The following DNAH10 variants were observed in gnomAD, a reference collection of about 807,000 sequenced individuals.
The protein encoded by DNAH10 is axonemal beta dynein heavy chain 10.
Under a neutral mutation model 506.6 loss-of-function variants are expected in DNAH10, and 348 were observed. The ratio of observed to expected loss-of-function variants is 0.69; its 90% CI spans 0.63 to 0.75. DNAH10 has a LOEUF of 0.75. DNAH10 is among the 30% of genes least tolerant of loss of function. The pLI is 0.00. For synonymous variants in DNAH10, 2,059 were observed against 2,198.6 expected, an observed-to-expected ratio of 0.94 and a Z score of 1.78; for missense variants, 5,179 against 5,787.1, an observed-to-expected ratio of 0.89 and a Z score of 3.41.
intron 52 of DNAH10, 117 bp downstream of exon 52, chr12:123,887,430 T>C (rs1430460682): frequency 2.5e-6 from 3 of 1,220,046 alleles, no homozygotes; most frequent in African/African-American, 3.1e-5. Flanking sequence ...CGGGTGTACC[T>C]GTTCCTCCCT....
chr12:123,872,541 A>T (rs1952076654), intron 45 of DNAH10, among the ~76,000 whole-genome samples: 1 of 152,134 alleles, frequency 6.6e-6, no homozygotes, highest in Non-Finnish European at 1.5e-5. Flanking sequence ...GCTCATGTGC[A>T]CCTGCACTTT....
intron 13 of DNAH10, 102 bp from the exon 14 acceptor site, chr12:123,799,144 T>G (rs780011459): frequency 7.8e-5 from 52 of 667,688 alleles, no homozygotes; most frequent in Non-Finnish European, 9.7e-5. Context: ...TTTATAATAA[T>G]TTATATATTA....
In DNAH10 at chr12:123,931,637, G is replaced by A. The variant is rs573539952; in HGVS notation, c.12918G>A (p.Gly4306=). ...CTCTGAAAAGTGTCCTGGTTTTAGG[G>A]GAATCCAGCAGTGGTATCAGCCGCG... ...AHLLELQPQT[G]ESSSGISRDD... The change falls in exon 75 of 79, where the codon GGG becomes GGA. Residue 4306 remains glycine (G), a splice_region_variant and synonymous_variant. Transcript: ENST00000673944. 32 of 1,613,644 alleles carry A rather than the reference G, an allele frequency of 2.0e-5. No homozygotes were observed. The highest frequency in any genetic ancestry group is 5.0e-5 in the Admixed American group (3 of 59,970).
At chr12:123,898,267 G>A (rs945808376) in intron 55 of DNAH10, among the ~76,000 whole-genome samples, 6 of 152,188 alleles carry the variant, frequency 3.9e-5, no homozygotes, top group Non-Finnish European at 5.9e-5. Flanking sequence ...CTGGAGTGCA[G>A]TGGTGCAACC....
In DNAH10 at chr12:123,787,775, T is replaced by C; in HGVS notation, c.1422-29T>C. The C allele has an allele frequency of 6.2e-7, 1 of 1,604,928 alleles. No individual in the cohort carries two copies. Among genetic ancestry groups the C allele is most frequent in the Non-Finnish European group, 8.5e-7 (1 of 1,176,358 alleles). On this transcript the variant is annotated intron_variant, in intron 9 of 78. Coordinates refer to ENST00000673944, the MANE Select transcript of DNAH10 (RefSeq NM_001372106.1). This position sits in a 1 kb window ranked among gnomAD's most constrained non-coding sequence, Gnocchi z 4.6. ...GCTCGGACCCGGAGCTCCGCCCTCCTCCCATCACGGCATCTCTTGGCTTCG... is the reference window on the plus strand; with the variant it reads ...GCTCGGACCCGGAGCTCCGCCCTCCCCCCATCACGGCATCTCTTGGCTTCG...
At chr12:123,803,393 C>A (rs1156438093) in intron 16 of DNAH10, among the ~76,000 whole-genome samples, 1 of 152,132 alleles carries the variant, frequency 6.6e-6, no homozygotes, top group African/African-American at 2.4e-5. Flanking sequence ...GCTTGATAGT[C>A]CCTTTCTCCC....
intron 27 of DNAH10, among the ~76,000 whole-genome samples, chr12:123,835,128 C>T (rs1281971147): frequency 6.6e-6 from 1 of 152,212 alleles, no homozygotes; most frequent in Non-Finnish European, 1.5e-5. Flanking sequence ...CAGGCTTCAC[C>T]CTCTTCTCAT....
intron 48 of DNAH10, among the ~76,000 whole-genome samples, chr12:123,878,614 C>A (rs140236828): frequency 6.6e-6 from 1 of 152,066 alleles, no homozygotes; most frequent in African/African-American, 2.4e-5. Flanking sequence ...AAGGAGCTGT[C>A]GGCCAGGCAC....
chr12:123,762,536 T>C lies in DNAH10; in HGVS notation c.200T>C (p.Val67Ala), dbSNP rs761450398. Residue 67 changes from valine to alanine, a missense_variant, in exon 1 of 79, where the codon GTG (valine) becomes GCG (alanine). Val to Ala is a moderately conservative substitution (Grantham distance 64). Around this residue, in one of 3 missense-constraint regions of DNAH10, gnomAD observed 326 missense variants for 330.8 expected, o/e 0.99. Transcript: ENST00000673944. This position sits in a 1 kb window ranked among gnomAD's most constrained non-coding sequence, Gnocchi z 5.0. ...TACCGCACTATGGTGCCGGAGGAGGTGGAGGTGGAGATTGGTGAGCCTCGA... is the reference window on the plus strand; with the variant it reads ...TACCGCACTATGGTGCCGGAGGAGGCGGAGGTGGAGATTGGTGAGCCTCGA... ...FIYRTMVPEE[V>A]EVEIDEIPVL... is the part of the protein sequence containing the mutation. The C allele has an allele frequency of 6.4e-7, 1 of 1,556,062 alleles. No individual in the cohort carries two copies. Among genetic ancestry groups the C allele is most frequent in the South Asian group, 1.2e-5 (1 of 83,588 alleles).
chr12:123,878,229 A>G (rs1244964216), intron 48 of DNAH10, among the ~76,000 whole-genome samples: 1 of 152,226 alleles, frequency 6.6e-6, no homozygotes, highest in Non-Finnish European at 1.5e-5. Context: ...TGCTCACATA[A>G]CTCAGTCGTT....
rs113411148 is a variant in DNAH10 at position 123,811,326 on chromosome 12, C to CTT, written c.3145-1824_3145-1823dup. Among the ~76,000 whole-genome samples the CTT allele has an allele frequency of 7.5e-3, 1,064 of 142,522 alleles. 12 individuals carry two copies. Among genetic ancestry groups the CTT allele is most frequent in the South Asian group, 0.014 (61 of 4,502 alleles). 93.5% of individuals were successfully genotyped at this position (142,522 alleles called of 152,430 possible). A position where few individuals can be genotyped will look rare whatever the true frequency, so the allele number is the denominator to read the frequency against. On this transcript the variant is annotated intron_variant, in intron 19 of 78. Transcript: ENST00000673944. ...ATGTTAGCTATTAGTATTAGTATTA[C>CTT]TTTTTTTTTTTTTTTGAGATGGAGT...
intron 39 of DNAH10, among the ~76,000 whole-genome samples, chr12:123,862,212 G>A (rs981789245): frequency 9.9e-5 from 15 of 152,104 alleles, no homozygotes; most frequent in Non-Finnish European, 5.9e-5. Context: ...CAGTTGATAT[G>A]CAACTCTAGG....
In DNAH10 at chr12:123,796,557, G is replaced by A. The variant is rs1958283320; in HGVS notation, c.1987-99G>A. 5 of 1,080,930 alleles carry A rather than the reference G, an allele frequency of 4.6e-6. No homozygotes were observed. In the East Asian group the frequency reaches 9.9e-5, roughly 21 times the overall value. The allele number at this position is 1,080,930 out of a possible 1,614,324, so 67.0% of individuals were successfully genotyped here. A position where few individuals can be genotyped will look rare whatever the true frequency, so the allele number is the denominator to read the frequency against. On this transcript the variant is annotated intron_variant, in intron 12 of 78. Transcript: ENST00000673944. Reference sequence around the variant, plus strand: ...TATTCTGCATCTTAGAATATTTTTTGACATTCCACTTTTGGTTTCCTTAAA... The same window carrying A: ...TATTCTGCATCTTAGAATATTTTTTAACATTCCACTTTTGGTTTCCTTAAA...
In DNAH10 at chr12:123,783,031, C is replaced by T. The variant is rs1299473516; in HGVS notation, c.842-76C>T. The stretch of plus-strand genomic sequence containing the variant: ...TGATGAAGCTTGAGAGACGACCCAG[C>T]CGGTGAACTTGAATGTTTCTCTTTG... On this transcript the variant is annotated intron_variant, in intron 6 of 78. Coordinates refer to ENST00000673944, the MANE Select transcript of DNAH10 (RefSeq NM_001372106.1). 5 of 1,452,738 alleles carry T rather than the reference C, an allele frequency of 3.4e-6. No homozygotes were observed. The Admixed American group carries it at 8.7e-5, about 25-fold the overall frequency. The allele number at this position is 1,452,738 out of a possible 1,614,324, so 90.0% of individuals were successfully genotyped here.
chr12:123,820,998 C>T (rs1959340570), intron 24 of DNAH10, among the ~76,000 whole-genome samples: 1 of 152,134 alleles, frequency 6.6e-6, no homozygotes, highest in Admixed American at 6.5e-5. Context: ...GCCTGTAATC[C>T]CAGCACTTTG....
chr12:123,793,988 C>T lies in DNAH10; in HGVS notation c.1862C>T (p.Thr621Met), dbSNP rs75803525. 293 of 1,274,898 alleles carry T rather than the reference C, an allele frequency of 2.3e-4. 2 individuals carry two copies. Among genetic ancestry groups the T allele is most frequent in the South Asian group, 4.0e-4 (31 of 77,862 alleles). The allele number at this position is 1,274,898 out of a possible 1,614,324, so 79.0% of individuals were successfully genotyped here. Residue 621 changes from threonine (T) to methionine (M), a missense_variant, in exon 12 of 79, where the codon ACG (threonine) becomes ATG (methionine). Transcript: ENST00000673944. ...AKHFIDESFK[T>M]LRSAEAAFDM... Reference sequence around the variant, plus strand: ...CATTTTATTGATGAATCTTTTAAGACGCTTCGATCTGCTGAAGCAGCATTT... The same window carrying T: ...CATTTTATTGATGAATCTTTTAAGATGCTTCGATCTGCTGAAGCAGCATTT...
In DNAH10 at chr12:123,910,534, A is replaced by G; in HGVS notation, c.9998-2A>G. On this transcript the variant is annotated splice_acceptor_variant, in intron 58 of 78. Transcript: ENST00000673944. LOFTEE classifies it high-confidence loss of function. ...TAAAAATTATTGCATGTTTCACGTT[A>G]GGCCTCTTGAAGACTCTTAATACCA... 6.2e-7 allele frequency: 1 copy of G among 1,611,046 alleles called. No homozygotes were observed. Among genetic ancestry groups the G allele is most frequent in the Non-Finnish European group, 8.5e-7 (1 of 1,178,742 alleles).
intron 78 of DNAH10, 39 bp from the exon 79 acceptor site, chr12:123,935,296 T>C (rs1390235961): frequency 5.1e-6 from 8 of 1,558,590 alleles, no homozygotes; most frequent in South Asian, 2.2e-5. Flanking sequence ...CTCTGCACCC[T>C]CTCTCCGTGG....
At position 123,781,080 on chromosome 12, in the gene DNAH10, G is replaced by T; in HGVS notation, c.622G>T (p.Val208Phe). The T allele has an allele frequency of 1.3e-6, 2 of 1,590,936 alleles. No homozygotes were observed. The highest frequency in any genetic ancestry group is 1.7e-6 in the Non-Finnish European group (2 of 1,171,644). The change falls in exon 6 of 79, where the codon GTT becomes TTT. Residue 208 changes from valine (V) to phenylalanine (F), a missense_variant and splice_region_variant. Val to Phe is a conservative substitution (Grantham distance 50). Coordinates refer to ENST00000673944, the MANE Select transcript of DNAH10 (RefSeq NM_001372106.1). ...LHFLKNIICQVFLPALSFNQH... is the reference protein window; with the variant it reads ...LHFLKNIICQFFLPALSFNQH... ...GTATTTCATAAAATTGGCATTTCAG[G>T]TTTTTTTGCCAGCATTGTCCTTCAA... is the stretch of plus-strand genomic sequence containing the variant.
Sources: gnomAD v4.1 joint callset for allele counts (sites outside exome capture counted in the v4.1 genomes callset) on GRCh38, gnomAD v4.1.1 for gene constraint, gnomAD v4.1.1 regional missense constraint, Gnocchi (gnomAD v3.1) non-coding constraint, MANE v1.5 for transcripts, NCBI Gene and HGNC (gene_info 2026-07-23, HGNC 2026-07-21) for gene names.